The following PTPRT variants were observed in gnomAD, a reference collection of about 807,000 sequenced individuals.
PTPRT encodes the protein protein tyrosine phosphatase receptor type T.
In PTPRT, 56 loss-of-function variants were observed where a neutral mutation model predicts 176.8. The observed-to-expected ratio is 0.32, with a 90% CI of 0.26 to 0.40. The LOEUF (loss-of-function observed/expected upper bound fraction) is 0.40, where lower values mean the gene tolerates loss of function less well. PTPRT is among the 10% of genes least tolerant of loss of function. The probability of loss-of-function intolerance (pLI) is 1.00; values close to 1 mark genes in which losing one functional copy is unlikely to be tolerated. For synonymous variants in PTPRT, 783 were observed against 739.0 expected (o/e 1.06, Z -0.96); for missense variants, 1,540 against 1,908.2 (o/e 0.81, Z 3.60).
At chr20:43,005,871 G>A (rs188060973) in intron 1 of PTPRT, among the ~76,000 whole-genome samples, 122 of 152,262 alleles carry the variant, frequency 8.0e-4, no homozygotes, top group African/African-American at 2.9e-3. Context: ...AATATCCAAA[G>A]ATGCTCGTTA....
intron 16 of PTPRT, among the ~76,000 whole-genome samples, chr20:42,181,562 C>G (rs544766385): frequency 6.6e-6 from 1 of 152,290 alleles, no homozygotes; most frequent in South Asian, 2.1e-4. Flanking sequence ...AAGAGTAACC[C>G]TAGTCATCGC....
intron 27 of PTPRT, among the ~76,000 whole-genome samples, chr20:42,098,074 T>A (rs914241147): frequency 1.4e-4 from 22 of 152,214 alleles, no homozygotes; most frequent in Non-Finnish European, 2.9e-5. Flanking sequence ...TTTTCAGGGC[T>A]GCAGGTGCTC....
chr20:42,127,940 CT>C (rs1427853603), intron 19 of PTPRT, among the ~76,000 whole-genome samples: 3 of 152,234 alleles, frequency 2.0e-5, no homozygotes, highest in Admixed American at 2.0e-4. Flanking sequence ...CAGTTCTAAG[CT>C]GGTCACCTCC....
chr20:42,889,687 A>G (rs999118554), intron 1 of PTPRT, among the ~76,000 whole-genome samples: 1 of 152,242 alleles, frequency 6.6e-6, no homozygotes, highest in African/African-American at 2.4e-5. Context: ...TTGGGCTCCC[A>G]GCAAAGCAGG....
chr20:42,063,740 G>A, the PTPRT span: 2 of 152,140 alleles, frequency 1.3e-5, no homozygotes, highest in African/African-American at 4.8e-5. Flanking sequence ...GAGGTGAGAA[G>A]ACCAGGAGTA....
intron 15 of PTPRT, among the ~76,000 whole-genome samples, chr20:42,213,663 G>T (rs1376697550): frequency 1.3e-5 from 2 of 152,194 alleles, no homozygotes; most frequent in Non-Finnish European, 2.9e-5. Context: ...TTGGACAGAA[G>T]TGCACTGGAA....
At chr20:42,274,217 A>G (rs1412380061) in intron 13 of PTPRT, among the ~76,000 whole-genome samples, 2 of 152,216 alleles carry the variant, frequency 1.3e-5, no homozygotes, top group East Asian at 3.9e-4. Flanking sequence ...AAGGCCATGT[A>G]AGTGGAAGTG....
the PTPRT span, among the ~76,000 whole-genome samples, chr20:42,033,110 C>T: frequency 6.6e-6 from 1 of 152,150 alleles, no homozygotes; most frequent in Non-Finnish European, 1.5e-5. Context: ...AAGTGAACAA[C>T]TATCAGATGG....
chr20:42,726,847 A>G (rs910759347), intron 6 of PTPRT, among the ~76,000 whole-genome samples: 3 of 152,114 alleles, frequency 2.0e-5, no homozygotes, highest in Non-Finnish European at 4.4e-5. Context: ...AGCTGTTACT[A>G]ATGGGATTTT....
intron 12 of PTPRT, among the ~76,000 whole-genome samples, chr20:42,311,488 C>T (rs1045119030): frequency 2.2e-4 from 34 of 152,280 alleles, no homozygotes; most frequent in Non-Finnish European, 4.1e-4. Flanking sequence ...ATGAAATTTG[C>T]TGATAGTAAA....
intron 2 of PTPRT, among the ~76,000 whole-genome samples, chr20:42,881,496 G>A (rs923855033): frequency 6.6e-5 from 10 of 152,004 alleles, no homozygotes; most frequent in African/African-American, 1.9e-4. Context: ...AGGCCGAGGC[G>A]GAAGGATCAA....
chr20:42,051,497 C>A, the PTPRT span, among the ~76,000 whole-genome samples: 1 of 152,186 alleles, frequency 6.6e-6, no homozygotes, highest in Non-Finnish European at 1.5e-5. Flanking sequence ...TAACTTCCTT[C>A]AGAGGATTAT....
At chr20:42,098,319 G>T in intron 27 of PTPRT, 102 bp downstream of exon 27, 5 of 1,489,730 alleles carry the variant, frequency 3.4e-6, no homozygotes, top group Non-Finnish European at 4.6e-6. Context: ...AAGACAGCTG[G>T]CTGGGGCAGA....
At chr20:42,535,761 G>A (rs192449657) in intron 7 of PTPRT, among the ~76,000 whole-genome samples, 1 of 152,124 alleles carries the variant, frequency 6.6e-6, no homozygotes, top group Admixed American at 6.5e-5. Flanking sequence ...AAGAGGTTGA[G>A]TGCACTTATC....
intron 7 of PTPRT, among the ~76,000 whole-genome samples, chr20:42,637,579 C>T (rs1048997967): frequency 2.0e-5 from 3 of 152,126 alleles, no homozygotes; most frequent in Admixed American, 6.5e-5. Context: ...TACTTAAAAT[C>T]GCTCTTCTCC....
intron 6 of PTPRT, among the ~76,000 whole-genome samples, chr20:42,713,026 G>C (rs1453922747): frequency 6.6e-6 from 1 of 152,074 alleles, no homozygotes; most frequent in South Asian, 2.1e-4. Flanking sequence ...AAAGCCAAAA[G>C]AGTTTTTGAA....
At chr20:42,984,830 A>G (rs987894668) in intron 1 of PTPRT, among the ~76,000 whole-genome samples, 1 of 152,262 alleles carries the variant, frequency 6.6e-6, no homozygotes, top group Non-Finnish European at 1.5e-5. Context: ...AGTTCAAGAA[A>G]GACTCAAGAC....
At chr20:42,466,194 GTGAACAGTGCTGCAATGAACATATACA>G (rs1283925773) in intron 8 of PTPRT, among the ~76,000 whole-genome samples, 1 of 152,092 alleles carries the variant, frequency 6.6e-6, no homozygotes, top group Admixed American at 6.6e-5. Context: ...CTTTGCTATT[GTGAACAGTGCTGCAATGAACATATACA>G]TGCATGTATC....
intron 2 of PTPRT, among the ~76,000 whole-genome samples, chr20:42,881,048 G>C (rs963532301): frequency 6.6e-6 from 1 of 152,220 alleles, no homozygotes; most frequent in African/African-American, 2.4e-5. Context: ...TTGTAAAGCA[G>C]CATCAGTGAG....
Sources: allele counts gnomAD v4.1 joint callset (sites outside exome capture counted in the v4.1 genomes callset), GRCh38; gene constraint gnomAD v4.1.1; transcripts MANE v1.5; gene names NCBI Gene and HGNC (gene_info 2026-07-23, HGNC 2026-07-21).